The following FARP1 variants were observed in gnomAD, a reference collection of about 807,000 sequenced individuals.
The protein encoded by FARP1 is FERM, ARHGEF and pleckstrin domain-containing protein 1.
FARP1 carries 52 observed loss-of-function variants against 128.8 expected under a neutral mutation model. The observed-to-expected ratio is 0.40, with a 90% CI of 0.32 to 0.51. The LOEUF (loss-of-function observed/expected upper bound fraction) is 0.51. FARP1 is among the 20% of genes least tolerant of loss of function. The probability of loss-of-function intolerance (pLI) is 0.45; values close to 1 mark genes in which losing one functional copy is unlikely to be tolerated. For synonymous variants in FARP1, 580 were observed against 551.8 expected, an observed-to-expected ratio of 1.05 and a Z score of -0.72; for missense variants, 1,333 against 1,367.9, an observed-to-expected ratio of 0.97 and a Z score of 0.40.
intron 2 of FARP1, among the ~76,000 whole-genome samples, chr13:98,276,687 A>G (rs1367084815): frequency 2.6e-5 from 4 of 152,240 alleles, no homozygotes; most frequent in Non-Finnish European, 5.9e-5. Context: ...GAATTTTCCC[A>G]TCAGAGTGCG....
Position 98,300,810 on chromosome 13 carries a change from G to A in FARP1, c.172-42952G>A, listed in dbSNP as rs188059832. The stretch of plus-strand genomic sequence containing the variant: ...GAAAATAGACTTCTCCAAAAATGTT[G>A]GCCTGGTCAGGCACTGAGGCTTCTG... On this transcript the variant is annotated intron_variant, in intron 2 of 26. Coordinates refer to ENST00000319562, the MANE Select transcript of FARP1 (RefSeq NM_005766.4). Among the ~76,000 whole-genome samples, 89 of 152,272 alleles carry A rather than the reference G, an allele frequency of 5.8e-4. 1 individual carries two copies. Among genetic ancestry groups the A allele is most frequent in the Admixed American group, 3.1e-3 (48 of 15,302 alleles).
Position 98,210,329 on chromosome 13 carries a change from T to C in FARP1, c.-23-2891T>C, listed in dbSNP as rs78634822. Among the ~76,000 whole-genome samples the C allele has an allele frequency of 6.3e-3, 962 of 152,184 alleles. 18 individuals are homozygous for C. Among genetic ancestry groups the C allele is most frequent in the African/African-American group, 0.022 (920 of 41,516 alleles). ...ATGGTTCATTTTGCTTTTTTGGTTA[T>C]ACATTCACCTCCTTTCATTGATTCT... On this transcript the variant is annotated intron_variant, in intron 1 of 26. Coordinates refer to ENST00000319562, the MANE Select transcript of FARP1 (RefSeq NM_005766.4).
At chr13:98,446,229 TG>T in intron 25 of FARP1, 24 bp downstream of exon 25, 2 of 1,518,748 alleles carry the variant, frequency 1.3e-6, no homozygotes, top group Non-Finnish European at 1.8e-6. Context: ...ACAGGGCAGG[TG>T]GCCCTGGGAC....
chr13:98,303,250 A>G (rs1885995350), intron 2 of FARP1, among the ~76,000 whole-genome samples: 1 of 152,178 alleles, frequency 6.6e-6, no homozygotes, highest in Admixed American at 6.5e-5. Context: ...ACAGAAATTG[A>G]CTGCAGACTG....
chr13:98,207,686 G>A (rs1197242703), intron 1 of FARP1, among the ~76,000 whole-genome samples: 2 of 151,950 alleles, frequency 1.3e-5, no homozygotes, highest in Non-Finnish European at 2.9e-5. Context: ...GTGGGGTGGG[G>A]GAGGGGCCAC....
chr13:98,377,259 G>A (rs928024235), intron 5 of FARP1, among the ~76,000 whole-genome samples: 17 of 149,544 alleles, frequency 1.1e-4, no homozygotes, highest in Non-Finnish European at 2.1e-4. Context: ...GCGAGATCAC[G>A]CCACTGCACT....
At chr13:98,401,415 A>ACACACACACACACACACGCACAC (rs71111952) in intron 13 of FARP1, 1 of 130,862 alleles carries the variant, frequency 7.6e-6, no homozygotes, top group Admixed American at 8.2e-5. Flanking sequence ...ATAATGACAA[A>ACACACACACACACACACGCACAC]ACACACACAC....
At chr13:98,392,673 C>T (rs1283220144) in intron 11 of FARP1, among the ~76,000 whole-genome samples, 1 of 152,118 alleles carries the variant, frequency 6.6e-6, no homozygotes, top group East Asian at 1.9e-4. Context: ...CTCTGATTGC[C>T]TATTGAGAAC....
At chr13:98,360,517 T>A (rs553739766) in intron 3 of FARP1, among the ~76,000 whole-genome samples, 9 of 152,158 alleles carry the variant, frequency 5.9e-5, no homozygotes, top group Non-Finnish European at 1.0e-4. Context: ...CAAGGATGCA[T>A]CGAGGTGGCA....
At chr13:98,371,901 A>C (rs1354286585) in intron 5 of FARP1, among the ~76,000 whole-genome samples, 1 of 151,942 alleles carries the variant, frequency 6.6e-6, no homozygotes, top group Admixed American at 6.6e-5. Context: ...TAGATAGGAG[A>C]TTAAATTGCA....
In FARP1 at chr13:98,215,705, A is replaced by C. The variant is rs370453130; in HGVS notation, c.171+2292A>C. ...GTAGCTGCTAATTAAATGTTTGCTG[A>C]CTGTTAGAGTGAGTGTGAGTTTATT... On this transcript the variant is annotated intron_variant, in intron 2 of 26. Transcript: ENST00000319562. Among the ~76,000 whole-genome samples the C allele has an allele frequency of 1.8e-4, 28 of 152,252 alleles. No homozygotes were observed. The East Asian group carries it at 4.2e-3, about 23-fold the overall frequency.
intron 1 of FARP1, among the ~76,000 whole-genome samples, chr13:98,199,519 G>C (rs1319709379): frequency 2.0e-5 from 3 of 152,188 alleles, no homozygotes; most frequent in Admixed American, 1.3e-4. Flanking sequence ...TTGAATGATA[G>C]TATACTTTGA....
chr13:98,263,555 A>G (rs1448276445), intron 2 of FARP1, among the ~76,000 whole-genome samples: 1 of 152,248 alleles, frequency 6.6e-6, no homozygotes, highest in Non-Finnish European at 1.5e-5. Context: ...AATAACGAAC[A>G]TAATGAAGAA....
At chr13:98,325,347 G>T (rs1458394297) in intron 2 of FARP1, among the ~76,000 whole-genome samples, 1 of 151,682 alleles carries the variant, frequency 6.6e-6, no homozygotes. Flanking sequence ...TCTTTGTCAC[G>T]GCTCTCTATC....
intron 1 of FARP1, among the ~76,000 whole-genome samples, chr13:98,147,502 C>G (rs920654873): frequency 1.3e-5 from 2 of 151,938 alleles, no homozygotes; most frequent in Non-Finnish European, 2.9e-5. Flanking sequence ...AACCTCTGAC[C>G]ACAAGAGTAA....
chr13:98,170,247 G>C (rs945343825), intron 1 of FARP1, among the ~76,000 whole-genome samples: 1 of 152,032 alleles, frequency 6.6e-6, no homozygotes, highest in Non-Finnish European at 1.5e-5. Context: ...GCAGTGGCGC[G>C]ATCTCAGATC....
At chr13:98,415,792 C>G (rs1891352008) in intron 16 of FARP1, among the ~76,000 whole-genome samples, 1 of 152,288 alleles carries the variant, frequency 6.6e-6, no homozygotes, top group Non-Finnish European at 1.5e-5. Context: ...GTACCCATGC[C>G]TTTCCTCACG....
At chr13:98,324,911 C>T (rs569870865) in intron 2 of FARP1, among the ~76,000 whole-genome samples, 50 of 152,290 alleles carry the variant, frequency 3.3e-4, no homozygotes, top group Admixed American at 2.7e-3. Flanking sequence ...GGCTGCCTTC[C>T]GAACTATTAT....
intron 1 of FARP1, among the ~76,000 whole-genome samples, chr13:98,188,315 A>C (rs548218282): frequency 6.6e-6 from 1 of 152,294 alleles, no homozygotes; most frequent in Non-Finnish European, 1.5e-5. Flanking sequence ...GCACTTTGGG[A>C]GGCCGAGGCG....
Sources: gnomAD v4.1 joint callset for allele counts (sites outside exome capture counted in the v4.1 genomes callset) on GRCh38, gnomAD v4.1.1 for gene constraint, MANE v1.5 for transcripts, NCBI Gene and HGNC (gene_info 2026-07-23, HGNC 2026-07-21) for gene names.